VBP1: variants seen among roughly 807,000 people sequenced by gnomAD.
VBP1 encodes the protein prefoldin subunit 3.
A neutral mutation model predicts 15.5 loss-of-function variants in VBP1; 4 were observed. The observed-to-expected ratio is 0.26, with a 90% confidence interval of 0.13 to 0.59. VBP1 has a LOEUF of 0.59. VBP1 is among the 20% of genes least tolerant of loss of function. The pLI, the probability that VBP1 is intolerant of heterozygous loss-of-function variation, is 0.90. For synonymous variants in VBP1, 61 were observed against 52.1 expected (o/e 1.17, Z -0.74); for missense variants, 108 against 139.6 (o/e 0.77, Z 1.14).
chrX:155,209,276 A>G (rs782322114), intron 2 of VBP1, among the ~76,000 whole-genome samples: 1 of 112,047 alleles, frequency 8.9e-6, no homozygotes, highest in Non-Finnish European at 1.9e-5. Flanking sequence ...AACTGTGATT[A>G]GTATTGGAGA....
rs781958650 is a variant in VBP1 at position 155,220,490 on chromosome X, A to G, written c.218+183A>G. ...TTCCAGTTGTTCCGTATCCTTGCCA[A>G]CACTTGGTATTGCCAGTCTAAATGT... On this transcript the variant is annotated intron_variant, in intron 2 of 5. Coordinates refer to ENST00000286428, the MANE Select transcript of VBP1 (RefSeq NM_003372.7). 2.7e-5 allele frequency among the ~76,000 whole-genome samples: 3 copies of G among 112,222 alleles called. No individual in the cohort carries two copies. In the East Asian group the frequency reaches 8.3e-4, roughly 31 times the overall value.
intron 1 of VBP1, among the ~76,000 whole-genome samples, chrX:155,197,892 G>T (rs886084703): frequency 6.2e-5 from 7 of 112,200 alleles, no homozygotes; most frequent in Non-Finnish European, 1.1e-4. Flanking sequence ...TGGAAAATCG[G>T]GTCACTCCCA....
chrX:155,199,635 T>C (rs1557307128), intron 1 of VBP1, among the ~76,000 whole-genome samples: 2 of 111,789 alleles, frequency 1.8e-5, no homozygotes, highest in Non-Finnish European at 3.8e-5. Context: ...GAACAACCAG[T>C]ACCAGCCACT....
intron 2 of VBP1, among the ~76,000 whole-genome samples, chrX:155,211,164 C>T (rs1245434521): frequency 8.9e-6 from 1 of 111,877 alleles, no homozygotes; most frequent in Non-Finnish European, 1.9e-5. Context: ...TGGAGTCCCA[C>T]TACACTTAGT....
chrX:155,198,311 A>G (rs1031236590), intron 1 of VBP1, among the ~76,000 whole-genome samples: 10 of 112,387 alleles, frequency 8.9e-5, no homozygotes, highest in Non-Finnish European at 1.9e-4. Context: ...TGCCTCCTCA[A>G]GTGGGTCCCT....
intron 1 of VBP1, among the ~76,000 whole-genome samples, chrX:155,207,502 C>T (rs1282467300): frequency 7.1e-5 from 8 of 111,889 alleles, no homozygotes; most frequent in Middle Eastern, 4.7e-3. Flanking sequence ...GTTTGTAAGG[C>T]AAGAGGTCTT....
At chrX:155,200,858 G>A (rs1248920186) in intron 1 of VBP1, among the ~76,000 whole-genome samples, 69 of 110,244 alleles carry the variant, frequency 6.3e-4, no homozygotes, top group South Asian at 4.3e-3. Context: ...TTGATAGACC[G>A]CTAGCAAGAC....
At chrX:155,234,651 C>G (rs1557311326) in intron 4 of VBP1, among the ~76,000 whole-genome samples, 1 of 111,510 alleles carries the variant, frequency 9.0e-6, no homozygotes, top group East Asian at 2.8e-4. Flanking sequence ...CTCTCTCTTT[C>G]TCTCTCTCAT....
At chrX:155,237,352 T>C (rs979541354) in intron 5 of VBP1, among the ~76,000 whole-genome samples, 1 of 111,890 alleles carries the variant, frequency 8.9e-6, no homozygotes, top group African/African-American at 3.3e-5. Context: ...TGCCCATTAC[T>C]GTTCTCGTTC....
At chrX:155,224,088 G>A (rs1331265789) in intron 2 of VBP1, among the ~76,000 whole-genome samples, 3 of 108,346 alleles carry the variant, frequency 2.8e-5, no homozygotes, top group Non-Finnish European at 5.8e-5. Context: ...CGGGATGACG[G>A]CCTGGAAGAG....
At chrX:155,213,189 T>A (rs1322082288), upstream of VBP1, among the ~76,000 whole-genome samples, 2 of 111,711 alleles carry the variant, frequency 1.8e-5, no homozygotes, top group Non-Finnish European at 3.8e-5. Context: ...CTCTCAGAAG[T>A]CAGGATTAGA....
chrX:155,202,433 G>C (rs1161586878), intron 1 of VBP1, among the ~76,000 whole-genome samples: 1 of 111,537 alleles, frequency 9.0e-6, no homozygotes, highest in East Asian at 2.8e-4. Context: ...GAATGGAACA[G>C]AGCTCTCAGA....
At chrX:155,225,254 C>T (rs782709199) in intron 2 of VBP1, among the ~76,000 whole-genome samples, 4 of 111,494 alleles carry the variant, frequency 3.6e-5, no homozygotes, top group Non-Finnish European at 5.7e-5. Context: ...GTAGCAGTGG[C>T]GCTACCTCGG....
intron 1 of VBP1, among the ~76,000 whole-genome samples, chrX:155,199,101 G>T (rs1475077634): frequency 9.0e-6 from 1 of 111,201 alleles, no homozygotes; most frequent in Non-Finnish European, 1.9e-5. Flanking sequence ...AGAAATATGG[G>T]ACTATGTGAA....
chrX:155,217,878 A>G (rs1215551636), intron 1 of VBP1, among the ~76,000 whole-genome samples: 1 of 111,679 alleles, frequency 9.0e-6, no homozygotes, highest in Non-Finnish European at 1.9e-5. Context: ...GTGGAGGTCC[A>G]GACTGGCAGC....
At chrX:155,202,311 G>A (rs1557307583) in intron 1 of VBP1, among the ~76,000 whole-genome samples, 1 of 111,532 alleles carries the variant, frequency 9.0e-6, no homozygotes, top group Non-Finnish European at 1.9e-5. Flanking sequence ...TCAATCCTAA[G>A]CCAAAAGAAC....
At chrX:155,208,698 A>G (rs1337357386) in intron 1 of VBP1, among the ~76,000 whole-genome samples, 1 of 111,705 alleles carries the variant, frequency 9.0e-6, no homozygotes, top group Non-Finnish European at 1.9e-5. Flanking sequence ...CTTCACAGAT[A>G]CATTTTCGTC....
At chrX:155,222,245 A>G (rs1210192756) in intron 2 of VBP1, among the ~76,000 whole-genome samples, 2 of 112,470 alleles carry the variant, frequency 1.8e-5, no homozygotes, top group Admixed American at 1.9e-4. Flanking sequence ...GCACTTTGGG[A>G]GGCCAAGGTG....
At position 155,208,874 on chromosome X, in the gene VBP1, G is replaced by T. The variant is rs185297577; in HGVS notation, c.-30G>T. On this transcript the variant is annotated splice_region_variant and 5_prime_UTR_variant, in exon 2 of 7. Transcript: ENST00000535916. ...GATTGTTTTCTTTTACAATTCATAG[G>T]TTCCAACTCCATTGGGAGCTCCTTC... 3.6e-4 allele frequency: 401 copies of T among 1,124,037 alleles called. 1 individual carries two copies. The East Asian group carries it at 5.4e-3, about 15-fold the overall frequency. 92.6% of individuals were successfully genotyped at this position (1,124,037 alleles called of 1,213,427 possible).
Sources: allele counts gnomAD v4.1 joint callset (sites outside exome capture counted in the v4.1 genomes callset), GRCh38; gene constraint gnomAD v4.1.1; transcripts MANE v1.5; gene names NCBI Gene and HGNC (gene_info 2026-07-23, HGNC 2026-07-21).